The following DPP10 variants were observed in gnomAD, a reference collection of about 807,000 sequenced individuals.
DPP10 encodes dipeptidyl peptidase like 10.
DPP10 carries 33 observed loss-of-function variants against 120.9 expected under a neutral mutation model. That is an observed-to-expected ratio of 0.27 (90% CI 0.21 to 0.37). The LOEUF (loss-of-function observed/expected upper bound fraction) is 0.37, where lower values mean the gene tolerates loss of function less well. Ranked by LOEUF, DPP10 falls within the 10% of genes least tolerant of loss-of-function variation. The pLI is 1.00. For missense variants in DPP10, 816 were observed against 942.8 expected (o/e 0.87, Z 1.76); for synonymous variants, 337 against 326.1 (o/e 1.03, Z -0.36).
At chr2:114,608,783 C>T (rs376001157) in intron 1 of DPP10, among the ~76,000 whole-genome samples, 2 of 151,344 alleles carry the variant, frequency 1.3e-5, no homozygotes, top group African/African-American at 4.9e-5. Context: ...CAAATTAACA[C>T]AGGAACAGGA....
intron 1 of DPP10, among the ~76,000 whole-genome samples, chr2:114,871,925 A>G (rs745857112): frequency 6.6e-6 from 1 of 152,144 alleles, no homozygotes; most frequent in Non-Finnish European, 1.5e-5. Flanking sequence ...CCTATTATGA[A>G]CTGTGCATGT....
chr2:115,522,966 A>G (rs372693373), intron 4 of DPP10, among the ~76,000 whole-genome samples: 25 of 152,124 alleles, frequency 1.6e-4, no homozygotes, highest in Admixed American at 1.2e-3. Context: ...GCAATAAATA[A>G]TAACATTAAA....
intron 5 of DPP10, among the ~76,000 whole-genome samples, chr2:115,531,733 A>C (rs10189000): frequency 0.21 from 31,972 of 152,014 alleles, 4,702 homozygotes; most frequent in African/African-American, 0.41. Flanking sequence ...ACTTCTATAA[A>C]CCAAACACCT....
intron 5 of DPP10, among the ~76,000 whole-genome samples, chr2:115,535,056 G>T (rs1273022349): frequency 2.0e-5 from 3 of 150,004 alleles, no homozygotes; most frequent in Admixed American, 6.7e-5. Flanking sequence ...CTCCCATTTT[G>T]TAGGTTGCCT....
intron 1 of DPP10, among the ~76,000 whole-genome samples, chr2:115,298,488 C>A: frequency 6.6e-6 from 1 of 152,024 alleles, no homozygotes; most frequent in East Asian, 1.9e-4. Flanking sequence ...TAGGGGTTCT[C>A]CAATTTGAGT....
intron 1 of DPP10, among the ~76,000 whole-genome samples, chr2:114,649,250 T>C (rs1335921005): frequency 6.6e-6 from 1 of 152,232 alleles, no homozygotes; most frequent in African/African-American, 2.4e-5. Flanking sequence ...CAAACTCTGA[T>C]ACACATTAGA....
chr2:115,520,996 C>T (rs551551704), intron 4 of DPP10, among the ~76,000 whole-genome samples: 6 of 151,992 alleles, frequency 3.9e-5, no homozygotes, highest in Non-Finnish European at 5.9e-5. Context: ...ATGAACTGCA[C>T]GTGTAATTAA....
intron 1 of DPP10, among the ~76,000 whole-genome samples, chr2:114,688,697 A>C (rs1699531936): frequency 6.6e-6 from 1 of 151,974 alleles, no homozygotes; most frequent in Non-Finnish European, 1.5e-5. Flanking sequence ...TAAGTGACTG[A>C]CAAGTGCGCA....
chr2:115,537,996 C>G (rs2078961864), intron 5 of DPP10, among the ~76,000 whole-genome samples: 1 of 151,984 alleles, frequency 6.6e-6, no homozygotes, highest in Non-Finnish European at 1.5e-5. Context: ...AGGCTTCCCC[C>G]AGTCTAGGTA....
At chr2:114,643,461 A>G (rs561694470) in intron 1 of DPP10, among the ~76,000 whole-genome samples, 6 of 151,998 alleles carry the variant, frequency 3.9e-5, no homozygotes, top group Non-Finnish European at 8.8e-5. Context: ...CATGCAGGAT[A>G]CTGACAAGCT....
At chr2:115,300,145 A>G (rs556632940) in intron 1 of DPP10, among the ~76,000 whole-genome samples, 11 of 152,160 alleles carry the variant, frequency 7.2e-5, no homozygotes, top group African/African-American at 2.4e-4. Context: ...TTGCTGTGCA[A>G]CCATCACCAC....
At chr2:115,098,994 C>G (rs551216216) in intron 1 of DPP10, among the ~76,000 whole-genome samples, 2 of 151,852 alleles carry the variant, frequency 1.3e-5, no homozygotes, top group African/African-American at 4.8e-5. Context: ...TCAAGAATCA[C>G]CAGGTTTAGG....
At chr2:115,003,801 T>C (rs969641658) in intron 1 of DPP10, among the ~76,000 whole-genome samples, 3 of 152,142 alleles carry the variant, frequency 2.0e-5, no homozygotes, top group Admixed American at 6.6e-5. Flanking sequence ...AAGCAATCTA[T>C]TGACATTTCC....
Position 115,314,085 on chromosome 2 carries a change from G to GAATATACT in DPP10, c.175+4733_175+4740dup, listed in dbSNP as rs143297999. Among the ~76,000 whole-genome samples, 726 of 152,304 alleles carry GAATATACT rather than the reference G, an allele frequency of 4.8e-3. 5 individuals carry two copies. The highest frequency in any genetic ancestry group is 0.016 in the South Asian group (77 of 4,824). On this transcript the variant is annotated intron_variant, in intron 2 of 25. Coordinates refer to ENST00000410059, the MANE Select transcript of DPP10 (RefSeq NM_020868.6). ...TACATTTAATATGTAGAATGAGAAG[G>GAATATACT]AATATACTTGGGAGAACATTTTGTG...
At position 115,240,216 on chromosome 2, in the gene DPP10, C is replaced by T. The variant is rs564834522; in HGVS notation, c.61-69023C>T. Among the ~76,000 whole-genome samples the T allele has an allele frequency of 2.0e-5, 3 of 152,298 alleles. No homozygotes were observed. The South Asian group carries it at 6.2e-4, about 32-fold the overall frequency. On this transcript the variant is annotated intron_variant, in intron 1 of 25. Coordinates refer to ENST00000410059, the MANE Select transcript of DPP10 (RefSeq NM_020868.6). ...GTTGTTGAACTAATTTGCACTCCCA[C>T]CAACAGTGTAAAAGTGTTCCTGTTT... is the stretch of plus-strand genomic sequence containing the variant.
intron 5 of DPP10, among the ~76,000 whole-genome samples, chr2:115,675,781 C>T (rs776264302): frequency 2.6e-5 from 4 of 152,172 alleles, no homozygotes; most frequent in Non-Finnish European, 5.9e-5. Context: ...CACCTTCACT[C>T]GTTGGGACCC....
At chr2:115,332,774 G>A (rs545603668) in intron 2 of DPP10, among the ~76,000 whole-genome samples, 6 of 152,048 alleles carry the variant, frequency 3.9e-5, no homozygotes, top group African/African-American at 1.2e-4. Context: ...GTTTGATTGC[G>A]CTGTGGTCTG....
intron 5 of DPP10, among the ~76,000 whole-genome samples, chr2:115,545,427 C>A (rs1254732187): frequency 6.6e-6 from 1 of 151,976 alleles, no homozygotes. Context: ...GAGCAAGGAG[C>A]AAAGAAAAGC....
At chr2:115,781,145 T>G in intron 16 of DPP10, 150 bp downstream of exon 16, 1 of 500,950 alleles carries the variant, frequency 2.0e-6, no homozygotes, top group Admixed American at 4.2e-5. Flanking sequence ...ATAGACTTAC[T>G]GAGATACAAT....
Sources: gnomAD v4.1 joint callset for allele counts (sites outside exome capture counted in the v4.1 genomes callset) on GRCh38, gnomAD v4.1.1 for gene constraint, MANE v1.5 for transcripts, NCBI Gene and HGNC (gene_info 2026-07-23, HGNC 2026-07-21) for gene names.